Variants in NALCN observed in about 807,000 individuals in gnomAD.
NALCN encodes the protein sodium leak channel NALCN.
Under a neutral mutation model 225.3 loss-of-function variants are expected in NALCN, and 111 were observed. The observed-to-expected ratio is 0.49, with a 90% confidence interval of 0.42 to 0.58. NALCN has a LOEUF of 0.58. Among genes scored for constraint, NALCN ranks in the 20% least tolerant of loss-of-function variants. NALCN has a pLI of 0.00. For synonymous variants in NALCN, 764 were observed against 769.0 expected (o/e 0.99, Z 0.11); for missense variants, 1,378 against 2,202.4 (o/e 0.63, Z 7.49).
Position 101,121,906 on chromosome 13 carries a change from T to C in NALCN, c.2192+2702A>G, listed in dbSNP as rs191714425. Among the ~76,000 whole-genome samples the C allele has an allele frequency of 1.5e-4, 23 of 151,574 alleles. No homozygotes were observed. In the East Asian group the frequency reaches 1.5e-3, roughly 10 times the overall value. On this transcript the variant is annotated intron_variant, in intron 18 of 43. Coordinates refer to ENST00000251127, the MANE Select transcript of NALCN (RefSeq NM_052867.4). Reference sequence around the variant, plus strand: ...GAGCTTTTTCTCCTTCCCAATTTTGTGGAAGGTTATTCGAATCAATTGTCC... The same window carrying C: ...GAGCTTTTTCTCCTTCCCAATTTTGCGGAAGGTTATTCGAATCAATTGTCC...
At chr13:101,351,552 G>A (rs188998030) in intron 6 of NALCN, among the ~76,000 whole-genome samples, 8 of 152,136 alleles carry the variant, frequency 5.3e-5, no homozygotes, top group Admixed American at 2.6e-4. Context: ...CACTCCTAGC[G>A]GTGCAGAGCA....
chr13:101,319,273 A>T (rs187483669), intron 7 of NALCN, among the ~76,000 whole-genome samples: 31 of 152,072 alleles, frequency 2.0e-4, no homozygotes, highest in African/African-American at 6.7e-4. Context: ...CATTATCAGG[A>T]CCTCTCTGCT....
chr13:101,237,708 T>C, intron 12 of NALCN, 47 bp downstream of exon 12: 2 of 1,324,654 alleles, frequency 1.5e-6, no homozygotes, highest in Non-Finnish European at 2.0e-6. Context: ...GTATTTACTC[T>C]GGAAATAAAT....
At chr13:101,117,697 A>T (rs188605436) in intron 18 of NALCN, among the ~76,000 whole-genome samples, 188 of 152,288 alleles carry the variant, frequency 1.2e-3, no homozygotes, top group Middle Eastern at 0.01. Context: ...GATGATATCT[A>T]ATTTCCTTTC....
chr13:101,122,077 G>A (rs1049316680), intron 18 of NALCN, among the ~76,000 whole-genome samples: 2 of 150,812 alleles, frequency 1.3e-5, no homozygotes, highest in African/African-American at 4.9e-5. Flanking sequence ...ATCTATTCTT[G>A]ACTTTTTAAC....
rs192765535 is a variant in NALCN, at chr13:101,117,043, G to C, written c.2193-5817C>G. On this transcript the variant is annotated intron_variant, in intron 18 of 43. Coordinates refer to ENST00000251127, the MANE Select transcript of NALCN (RefSeq NM_052867.4). ...AAAAAGCTGCATTTTTATCCTAGTG[G>C]ATACCCCACTCCTTTGTGAGTCAGC... is the stretch of plus-strand genomic sequence containing the variant. 5.6e-5 allele frequency: 27 copies of C among 479,620 alleles called. No individual in the cohort carries two copies. The East Asian group carries it at 9.2e-4, about 16-fold the overall frequency. 29.7% of individuals were successfully genotyped at this position (479,620 alleles called of 1,614,324 possible).
intron 7 of NALCN, among the ~76,000 whole-genome samples, chr13:101,300,414 T>C (rs1359581198): frequency 1.0e-4 from 9 of 87,542 alleles, no homozygotes; most frequent in South Asian, 3.7e-4. Flanking sequence ...TTCCTTCCTT[T>C]CTTTCTCTTT....
intron 10 of NALCN, among the ~76,000 whole-genome samples, chr13:101,282,565 C>A (rs1317727208): frequency 6.6e-6 from 1 of 152,038 alleles, no homozygotes; most frequent in Non-Finnish European, 1.5e-5. Context: ...TTCTCAGGAT[C>A]TAATAAACAA....
intron 14 of NALCN, among the ~76,000 whole-genome samples, chr13:101,178,478 A>C (rs2039055882): frequency 6.6e-6 from 1 of 152,142 alleles, no homozygotes; most frequent in South Asian, 2.1e-4. Flanking sequence ...TTTAAGAGCC[A>C]AATAAGCTTC....
intron 7 of NALCN, among the ~76,000 whole-genome samples, chr13:101,297,552 T>C (rs2139075585): frequency 6.6e-6 from 1 of 152,340 alleles, no homozygotes; most frequent in East Asian, 1.9e-4. Flanking sequence ...TTACCAGGTA[T>C]GCTAGAGCCC....
intron 7 of NALCN, among the ~76,000 whole-genome samples, chr13:101,334,548 T>C (rs1038029737): frequency 1.2e-4 from 18 of 152,040 alleles, no homozygotes; most frequent in Admixed American, 5.2e-4. Flanking sequence ...ATTTTTTTTC[T>C]TCAATATTTA....
At chr13:101,313,417 T>G (rs971109437) in intron 7 of NALCN, among the ~76,000 whole-genome samples, 2 of 151,764 alleles carry the variant, frequency 1.3e-5, no homozygotes, top group African/African-American at 4.8e-5. Flanking sequence ...GGGAGAAAAT[T>G]TTTCATCTGA....
At chr13:101,057,614 C>T in intron 43 of NALCN, 2 of 320,704 alleles carry the variant, frequency 6.2e-6, no homozygotes, top group South Asian at 3.0e-5. Context: ...AATACTTTTG[C>T]CCATGTTTGA....
At chr13:101,173,683 G>A (rs2038841412) in intron 15 of NALCN, among the ~76,000 whole-genome samples, 1 of 152,124 alleles carries the variant, frequency 6.6e-6, no homozygotes, top group Admixed American at 6.5e-5. Flanking sequence ...GGAATGCATA[G>A]CGCTTTCTGA....
At chr13:101,317,070 A>G (rs2044579546) in intron 7 of NALCN, among the ~76,000 whole-genome samples, 1 of 152,004 alleles carries the variant, frequency 6.6e-6, no homozygotes, top group South Asian at 2.1e-4. Context: ...TCATCTCCTC[A>G]TCTTAGGATT....
intron 13 of NALCN, among the ~76,000 whole-genome samples, chr13:101,213,774 C>T (rs184987984): frequency 2.0e-5 from 3 of 152,228 alleles, no homozygotes; most frequent in Non-Finnish European, 4.4e-5. Flanking sequence ...GAATGGCGAT[C>T]ATTAAAAAGT....
At chr13:101,282,985 A>G (rs527554492) in intron 10 of NALCN, among the ~76,000 whole-genome samples, 49 of 152,154 alleles carry the variant, frequency 3.2e-4, no homozygotes, top group Non-Finnish European at 5.9e-4. Flanking sequence ...GTCTCATCCC[A>G]CGGCAGATGT....
chr13:101,056,329 T>C (rs2031258081), intron 43 of NALCN, among the ~76,000 whole-genome samples: 1 of 145,188 alleles, frequency 6.9e-6, no homozygotes, highest in African/African-American at 2.6e-5. Context: ...GGCACAATCT[T>C]GGTTCACCAC....
At chr13:101,100,066 A>C (rs2139594740) in intron 27 of NALCN, among the ~76,000 whole-genome samples, 1 of 152,276 alleles carries the variant, frequency 6.6e-6, no homozygotes. Flanking sequence ...CAAGTATTCA[A>C]GTTTGGGTCT....
Sources: gnomAD v4.1 joint callset for allele counts (sites outside exome capture counted in the v4.1 genomes callset) on GRCh38, gnomAD v4.1.1 for gene constraint, MANE v1.5 for transcripts, NCBI Gene and HGNC (gene_info 2026-07-23, HGNC 2026-07-21) for gene names.